Variants in TENM1 observed in about 807,000 individuals in gnomAD.
The protein encoded by TENM1 is teneurin transmembrane protein 1, also known as teneurin-1.
TENM1 carries 35 observed loss-of-function variants against 174.8 expected under a neutral mutation model. The observed-to-expected ratio is 0.20, with a 90% CI of 0.15 to 0.27. The LOEUF is 0.27. TENM1 is among the 10% of genes least tolerant of loss of function. The probability of loss-of-function intolerance (pLI) is 1.00; values close to 1 mark genes in which losing one functional copy is unlikely to be tolerated. For missense variants in TENM1, 1,633 were observed against 2,130.1 expected, an observed-to-expected ratio of 0.77 and a Z score of 4.59; for synonymous variants, 781 against 798.7, an observed-to-expected ratio of 0.98 and a Z score of 0.37.
At chrX:124,408,022 T>G (rs1054200290) in intron 25 of TENM1, among the ~76,000 whole-genome samples, 2 of 111,820 alleles carry the variant, frequency 1.8e-5, no homozygotes, top group African/African-American at 6.5e-5. Flanking sequence ...TGGGGCTCTA[T>G]AGCTACAAGA....
In TENM1 at chrX:124,855,916, G is replaced by A. The variant is rs186878666; in HGVS notation, c.535+38380C>T. ...CCAACTTGTATGTGTTTGTGGAGAA[G>A]TGTGGGAAGAGAAAAAGGAAGAAAG... On this transcript the variant is annotated intron_variant, in intron 3 of 31. Coordinates refer to ENST00000422452, the Ensembl canonical transcript of TENM1. 8.1e-3 allele frequency among the ~76,000 whole-genome samples: 898 copies of A among 111,504 alleles called. 4 individuals are homozygous for A. The highest frequency in any genetic ancestry group is 0.013 in the Non-Finnish European group (675 of 52,817).
intron 3 of TENM1, among the ~76,000 whole-genome samples, chrX:124,836,676 A>G (rs777611162): frequency 8.9e-6 from 1 of 112,492 alleles, no homozygotes; most frequent in South Asian, 3.7e-4. Flanking sequence ...CACTTTCTAG[A>G]ATCAGAATCA....
chrX:125,160,567 A>AT, the TENM1 span, among the ~76,000 whole-genome samples: 38 of 105,330 alleles, frequency 3.6e-4, no homozygotes, highest in African/African-American at 1.2e-3. Flanking sequence ...AAAAAAAAAA[A>AT]AACAGAGAGA....
chrX:124,595,331 A>G (rs1321204549), intron 11 of TENM1, among the ~76,000 whole-genome samples: 2 of 112,144 alleles, frequency 1.8e-5, no homozygotes, highest in South Asian at 3.8e-4. Flanking sequence ...TTCACAATGC[A>G]TATGTATAAA....
Position 124,707,155 on chromosome X carries a change from G to A in TENM1, c.777-1904C>T, listed in dbSNP as rs6649283. The stretch of plus-strand genomic sequence containing the variant: ...CAAGTAGCTGAGACCACAGGCTGCC[G>A]CCCTGCCTGGCTAATTTTTTGTATT... On this transcript the variant is annotated intron_variant, in intron 4 of 31. Coordinates refer to ENST00000422452, the Ensembl canonical transcript of TENM1. Among the ~76,000 whole-genome samples, 118 of 109,681 alleles carry A rather than the reference G, an allele frequency of 1.1e-3. 3 individuals carry two copies. In the East Asian group the frequency reaches 0.032, roughly 30 times the overall value.
At chrX:124,957,545 A>G (rs1025651052) in intron 1 of TENM1, among the ~76,000 whole-genome samples, 4 of 100,263 alleles carry the variant, frequency 4.0e-5, no homozygotes, top group Admixed American at 2.2e-4. Context: ...GATCATGCCA[A>G]TGCACTCCAG....
chrX:124,675,296 C>T (rs1395844442), intron 5 of TENM1, among the ~76,000 whole-genome samples: 1 of 111,374 alleles, frequency 9.0e-6, no homozygotes, highest in East Asian at 2.8e-4. Context: ...TACTGGCCAA[C>T]CAAAATGGCT....
At chrX:125,101,296 T>G in the TENM1 span, among the ~76,000 whole-genome samples, 1 of 111,705 alleles carries the variant, frequency 9.0e-6, no homozygotes, top group East Asian at 2.8e-4. Context: ...AACCAATTTT[T>G]TTTTCCAAGA....
At chrX:124,471,042 T>C (rs1381081279) in intron 22 of TENM1, among the ~76,000 whole-genome samples, 1 of 100,098 alleles carries the variant, frequency 1.0e-5, no homozygotes, top group Non-Finnish European at 2.0e-5. Context: ...TAATTCCTTA[T>C]GCCCTTATAT....
the TENM1 span, among the ~76,000 whole-genome samples, chrX:125,036,412 G>A: frequency 2.7e-5 from 3 of 111,843 alleles, no homozygotes; most frequent in Non-Finnish European, 5.7e-5. Context: ...ATGCTTGTGA[G>A]TTAAAGTGTC....
chrX:124,826,572 C>T (rs981059032), intron 3 of TENM1, among the ~76,000 whole-genome samples: 6 of 111,281 alleles, frequency 5.4e-5, no homozygotes, highest in Non-Finnish European at 7.5e-5. Context: ...AAGTGTTAAA[C>T]GAAAGGCAAG....
intron 1 of TENM1, among the ~76,000 whole-genome samples, chrX:124,903,058 T>C (rs1603269063): frequency 8.9e-6 from 1 of 111,995 alleles, no homozygotes; most frequent in Non-Finnish European, 1.9e-5. Flanking sequence ...TGCTCCCATG[T>C]GCAAGACTGG....
intron 11 of TENM1, among the ~76,000 whole-genome samples, chrX:124,582,905 C>T (rs2049364374): frequency 8.9e-6 from 1 of 112,425 alleles, no homozygotes; most frequent in Admixed American, 9.4e-5. Flanking sequence ...TTCGAGGGTC[C>T]TACGCCCACG....
At chrX:124,619,322 A>G (rs922417223) in intron 11 of TENM1, among the ~76,000 whole-genome samples, 2 of 111,853 alleles carry the variant, frequency 1.8e-5, no homozygotes, top group African/African-American at 6.5e-5. Flanking sequence ...ATTTGTGGGT[A>G]TATTTTAACC....
the TENM1 span, among the ~76,000 whole-genome samples, chrX:124,986,926 TCCA>T: frequency 1.9e-4 from 21 of 111,601 alleles, no homozygotes; most frequent in African/African-American, 5.9e-4. Flanking sequence ...ACAGGCATGC[TCCA>T]CCATGCTTGG....
the TENM1 span, among the ~76,000 whole-genome samples, chrX:125,120,755 C>T: frequency 9.0e-6 from 1 of 111,450 alleles, no homozygotes; most frequent in Admixed American, 9.6e-5. Flanking sequence ...CCATGATGAA[C>T]GTGGCCTTAT....
the TENM1 span, among the ~76,000 whole-genome samples, chrX:125,077,476 G>A: frequency 9.0e-6 from 1 of 111,143 alleles, no homozygotes; most frequent in Non-Finnish European, 1.9e-5. Context: ...ATTCAAATTG[G>A]ACTAAAAATA....
At chrX:124,502,203 T>C (rs930332235) in intron 19 of TENM1, among the ~76,000 whole-genome samples, 1 of 112,572 alleles carries the variant, frequency 8.9e-6, no homozygotes, top group South Asian at 3.6e-4. Flanking sequence ...ATAAAGCTGT[T>C]AAAAATTCTC....
At chrX:124,748,590 T>C (rs1420438611) in intron 3 of TENM1, among the ~76,000 whole-genome samples, 2 of 111,454 alleles carry the variant, frequency 1.8e-5, no homozygotes, top group East Asian at 5.6e-4. Context: ...TTAGTTTCAT[T>C]TGTTTGTTTT....
Sources: allele counts gnomAD v4.1 joint callset (sites outside exome capture counted in the v4.1 genomes callset), GRCh38; gene constraint gnomAD v4.1.1; transcripts MANE v1.5; gene names NCBI Gene and HGNC (gene_info 2026-07-23, HGNC 2026-07-21).